Variants in ITPR2 observed in about 807,000 individuals in gnomAD.
ITPR2 encodes the protein inositol 1,4,5-trisphosphate-gated calcium channel ITPR2.
Under a neutral mutation model 317.1 loss-of-function variants are expected in ITPR2, and 207 were observed. The ratio of observed to expected loss-of-function variants is 0.65; its 90% CI spans 0.58 to 0.73. The LOEUF is 0.73. Among genes scored for constraint, ITPR2 ranks in the 30% least tolerant of loss-of-function variants. The probability of loss-of-function intolerance (pLI) is 0.00; values close to 1 mark genes in which losing one functional copy is unlikely to be tolerated. For synonymous variants in ITPR2, 1,156 were observed against 1,149.1 expected (o/e 1.01, Z -0.12); for missense variants, 2,613 against 3,284.0 (o/e 0.80, Z 4.99).
At chr12:26,754,056 G>T (rs902592308) in intron 2 of ITPR2, among the ~76,000 whole-genome samples, 14 of 151,992 alleles carry the variant, frequency 9.2e-5, no homozygotes, top group African/African-American at 3.4e-4. Context: ...TTGATTAATT[G>T]GTTTAATAAT....
chr12:26,771,278 C>T (rs1949837840), intron 2 of ITPR2, among the ~76,000 whole-genome samples: 1 of 152,046 alleles, frequency 6.6e-6, no homozygotes, highest in Non-Finnish European at 1.5e-5. Flanking sequence ...TATAAAATTC[C>T]AGGAGCCCTC....
At chr12:26,499,619 T>C (rs555250348) in intron 37 of ITPR2, among the ~76,000 whole-genome samples, 1 of 152,358 alleles carries the variant, frequency 6.6e-6, no homozygotes, top group African/African-American at 2.4e-5. Context: ...ACATTGTTGA[T>C]GTTATCCCTG....
At chr12:26,435,086 G>A (rs1941318989) in intron 48 of ITPR2, among the ~76,000 whole-genome samples, 1 of 152,130 alleles carries the variant, frequency 6.6e-6, no homozygotes, top group Admixed American at 6.6e-5. Context: ...TCCAAAAACA[G>A]TGGTTATTCA....
intron 13 of ITPR2, among the ~76,000 whole-genome samples, chr12:26,678,428 GA>G (rs34105410): frequency 6.7e-6 from 1 of 148,494 alleles, no homozygotes; most frequent in Non-Finnish European, 1.5e-5. Context: ...GAGAGAGAGA[GA>G]AAAAAAAAAT....
At chr12:26,630,088 T>G in intron 22 of ITPR2, among the ~76,000 whole-genome samples, 1 of 152,160 alleles carries the variant, frequency 6.6e-6, no homozygotes, top group East Asian at 1.9e-4. Flanking sequence ...GGCATGGGAT[T>G]TGGTAACCAT....
chr12:26,602,677 A>G lies in ITPR2; in HGVS notation c.3492T>C (p.Asp1164=), dbSNP rs776407135. 2 of 1,607,822 alleles carry G rather than the reference A, an allele frequency of 1.2e-6. No individual in the cohort carries two copies. Among genetic ancestry groups the G allele is most frequent in the East Asian group, 2.2e-5 (1 of 44,756 alleles). ...TGTCAATCTGAGGTTTCTTTGTTCC[A>G]TCCTGCACTGGACTTAAAATGTTTG... ...EESNILSPVQ[D]GTKKPQIDSN... is the part of the protein sequence containing the mutation. The change falls in exon 27 of 57, where the codon GAT becomes GAC. Residue 1164 remains aspartate, a synonymous_variant. Coordinates refer to ENST00000381340, the MANE Select transcript of ITPR2 (RefSeq NM_002223.4).
chr12:26,795,131 C>T (rs1950409665), intron 1 of ITPR2, among the ~76,000 whole-genome samples: 1 of 152,136 alleles, frequency 6.6e-6, no homozygotes, highest in South Asian at 2.1e-4. Context: ...TAATGCCTTC[C>T]TGATTTGTGC....
intron 8 of ITPR2, among the ~76,000 whole-genome samples, chr12:26,711,830 C>G (rs935887427): frequency 3.3e-5 from 5 of 152,124 alleles, no homozygotes; most frequent in African/African-American, 7.2e-5. Flanking sequence ...TGAGCTGAAA[C>G]CTGGAGGATG....
intron 1 of ITPR2, among the ~76,000 whole-genome samples, chr12:26,817,007 A>G (rs186813152): frequency 5.5e-3 from 830 of 152,000 alleles, no homozygotes; most frequent in Middle Eastern, 0.01. Context: ...GTGAAACCCC[A>G]TCTCTACTAA....
At chr12:26,568,008 A>ATATATATATATATTATATATATTT (rs1565609822) in intron 34 of ITPR2, among the ~76,000 whole-genome samples, 1 of 5,484 alleles carries the variant, frequency 1.8e-4, no homozygotes, top group East Asian at 9.5e-4. Context: ...TATATATATT[A>ATATATATATATATTATATATATTT]TATATATATA....
chr12:26,792,316 G>T (rs1009113724), intron 1 of ITPR2, among the ~76,000 whole-genome samples: 1 of 151,678 alleles, frequency 6.6e-6, no homozygotes, highest in Non-Finnish European at 1.5e-5. Flanking sequence ...GAAGAAGCAA[G>T]GAGTCTGAAT....
At chr12:26,755,471 C>T (rs904763250) in intron 2 of ITPR2, among the ~76,000 whole-genome samples, 3 of 152,132 alleles carry the variant, frequency 2.0e-5, no homozygotes, top group African/African-American at 7.2e-5. Flanking sequence ...TTTAACTTTG[C>T]TTAAAATGTT....
At chr12:26,606,349 C>A (rs1296890864) in intron 26 of ITPR2, among the ~76,000 whole-genome samples, 1 of 152,128 alleles carries the variant, frequency 6.6e-6, no homozygotes, top group Non-Finnish European at 1.5e-5. Context: ...AAATTTATTC[C>A]CCCTAATAGA....
chr12:26,771,777 T>C (rs1466363931), intron 2 of ITPR2, among the ~76,000 whole-genome samples: 4 of 152,140 alleles, frequency 2.6e-5, no homozygotes, highest in Non-Finnish European at 5.9e-5. Context: ...CCTCCCAAAG[T>C]GCTGGGATTA....
At chr12:26,411,222 T>G in intron 52 of ITPR2, 98 bp downstream of exon 52, 5 of 765,784 alleles carry the variant, frequency 6.5e-6, no homozygotes, top group Non-Finnish European at 1.1e-5. Flanking sequence ...CAATCCATCA[T>G]GAAATTTGTA....
intron 4 of ITPR2, among the ~76,000 whole-genome samples, chr12:26,723,481 G>C (rs1830205034): frequency 6.6e-6 from 1 of 152,068 alleles, no homozygotes. Flanking sequence ...TCCACTTGCT[G>C]ACATTTAACC....
intron 51 of ITPR2, among the ~76,000 whole-genome samples, chr12:26,412,530 C>T (rs1940582800): frequency 6.6e-6 from 1 of 152,136 alleles, no homozygotes; most frequent in Non-Finnish European, 1.5e-5. Context: ...GCCCCCCAGG[C>T]CCAGAGCTGA....
chr12:26,538,476 CCTA>C (rs1944163317), intron 37 of ITPR2, among the ~76,000 whole-genome samples: 1 of 152,142 alleles, frequency 6.6e-6, no homozygotes, highest in African/African-American at 2.4e-5. Flanking sequence ...TATTTAATTC[CCTA>C]CTATGTGGAG....
intron 9 of ITPR2, among the ~76,000 whole-genome samples, chr12:26,697,537 G>T (rs1948373520): frequency 2.0e-5 from 3 of 152,160 alleles, no homozygotes. Flanking sequence ...GGCCGGGTGT[G>T]GTGGCTCATG....
Sources: allele counts gnomAD v4.1 joint callset (sites outside exome capture counted in the v4.1 genomes callset), GRCh38; gene constraint gnomAD v4.1.1; transcripts MANE v1.5; gene names NCBI Gene and HGNC (gene_info 2026-07-23, HGNC 2026-07-21).